Variants in GGPS1 observed in about 807,000 individuals in gnomAD.
GGPS1 encodes geranylgeranyl diphosphate synthase 1, also known as geranylgeranyl pyrophosphate synthase.
GGPS1 carries 15 observed loss-of-function variants against 28.1 expected under a neutral mutation model. That is an observed-to-expected ratio of 0.53 (90% CI 0.36 to 0.82). GGPS1 has a LOEUF of 0.82. Among genes scored for constraint, GGPS1 ranks in the 40% least tolerant of loss-of-function variants. The probability of loss-of-function intolerance (pLI) is 0.01; values close to 1 mark genes in which losing one functional copy is unlikely to be tolerated. For missense variants in GGPS1, 284 were observed against 348.3 expected (o/e 0.82, Z 1.47); for synonymous variants, 138 against 122.4 (o/e 1.13, Z -0.84).
rs772582396 is a variant in GGPS1, at chr1:235,342,650, C to G, written c.781C>G (p.Arg261Gly). Residue 261 changes from arginine to glycine, a missense_variant, in exon 4 of 4, where the codon CGT (arginine) becomes GGT (glycine). By Grantham distance (125) the Arg-to-Gly change is moderately radical. Transcript: ENST00000282841. Reference sequence around the variant, plus strand: ...GGATGTAGGTTCTTTTGAATACACTCGTAATACCCTTAAAGAGCTTGAAGC... The same window carrying G: ...GGATGTAGGTTCTTTTGAATACACTGGTAATACCCTTAAAGAGCTTGAAGC... ...LEDVGSFEYT[R>G]NTLKELEAKA... 2.1e-5 allele frequency: 34 copies of G among 1,610,542 alleles called. No homozygotes were observed. Among genetic ancestry groups the G allele is most frequent in the East Asian group, 2.2e-5 (1 of 44,872 alleles).
chr1:235,328,957 TG>T (rs915358574), intron 1 of GGPS1, 179 bp downstream of exon 1: 9 of 152,396 alleles, frequency 5.9e-5, no homozygotes, highest in African/African-American at 2.2e-4. Flanking sequence ...GTTGGCCAAG[TG>T]GGGCGGAAGG....
intron 1 of GGPS1, chr1:235,330,486 GAAGA>G (rs1675678703): frequency 6.6e-6 from 1 of 152,042 alleles, no homozygotes. Flanking sequence ...CGCTGTTTCA[GAAGA>G]AAGACACAAG....
chr1:235,328,183 G>C (rs1038943009), upstream of GGPS1: 4 of 152,380 alleles, frequency 2.6e-5, no homozygotes, highest in African/African-American at 9.7e-5. Flanking sequence ...GGCAAACATC[G>C]CTTCCCCCCC....
intron 2 of GGPS1, among the ~76,000 whole-genome samples, chr1:235,337,846 T>G (rs1422986623): frequency 3.3e-5 from 5 of 151,500 alleles, no homozygotes; most frequent in Admixed American, 3.3e-4. Flanking sequence ...CTGAAATTAG[T>G]AAAGAAAATT....
At chr1:235,338,231 A>T (rs1675923792) in intron 2 of GGPS1, among the ~76,000 whole-genome samples, 1 of 151,864 alleles carries the variant, frequency 6.6e-6, no homozygotes, top group South Asian at 2.1e-4. Context: ...AAATACAAAA[A>T]ATTAGCCAGG....
chr1:235,339,026 G>A (rs556863425), intron 2 of GGPS1, among the ~76,000 whole-genome samples: 8 of 152,052 alleles, frequency 5.3e-5, no homozygotes, highest in Non-Finnish European at 1.0e-4. Context: ...TTGGCCGGGC[G>A]CGGTAGCTCA....
chr1:235,331,185 A>G (rs956220165), intron 1 of GGPS1, among the ~76,000 whole-genome samples: 6 of 152,048 alleles, frequency 3.9e-5, no homozygotes, highest in African/African-American at 1.4e-4. Flanking sequence ...CGTCTTTGGT[A>G]TTAATTGTTA....
In GGPS1 at chr1:235,341,998, AT is replaced by A. The variant is rs3841735; in HGVS notation, c.142-6del. The A allele has an allele frequency of 1.6e-5, 23 of 1,466,416 alleles. No individual in the cohort carries two copies. The highest frequency in any genetic ancestry group is 1.9e-5 in the Non-Finnish European group (21 of 1,077,636). The allele number at this position is 1,466,416 out of a possible 1,614,324, so 90.8% of individuals were successfully genotyped here. On this transcript the variant is annotated splice_polypyrimidine_tract_variant and intron_variant, in intron 3 of 3. Transcript: ENST00000282841. ...ATAGTTCAAATAAGTGAAATTTTCA[AT>A]TTTTTTATTAGATTATTATTGAAGT...
chr1:235,337,816 CA>C (rs112819918), intron 2 of GGPS1, among the ~76,000 whole-genome samples: 320 of 127,386 alleles, frequency 2.5e-3, no homozygotes, highest in Non-Finnish European at 2.4e-3. Flanking sequence ...GACACTGTCT[CA>C]AAAAAAAAAA....
chr1:235,342,706 T>C lies in GGPS1; in HGVS notation c.837T>C (p.Gly279=). 6.2e-7 allele frequency: 1 copy of C among 1,608,956 alleles called. No homozygotes were observed. The highest frequency in any genetic ancestry group is 8.5e-7 in the Non-Finnish European group (1 of 1,176,776). Residue 279 remains glycine, a synonymous_variant, in exon 4 of 4, where the codon GGT becomes GGC. Coordinates refer to ENST00000282841, the MANE Select transcript of GGPS1 (RefSeq NM_004837.4). The part of the protein sequence containing the change: ...AKAYKQIDAR[G]GNPELVALVK... ...CCTATAAACAGATTGATGCACGTGGTGGGAACCCTGAGCTAGTAGCCTTAG... is the reference window on the plus strand; with the variant it reads ...CCTATAAACAGATTGATGCACGTGGCGGGAACCCTGAGCTAGTAGCCTTAG...
rs115629011 is a variant in GGPS1, at chr1:235,331,765, T to C, written c.-24+2987T>C. On this transcript the variant is annotated intron_variant, in intron 1 of 3. Coordinates refer to ENST00000282841, the MANE Select transcript of GGPS1 (RefSeq NM_004837.4). The stretch of plus-strand genomic sequence containing the variant: ...TGATGGTTATATGTGTGTGTTATTA[T>C]TTCAGCCACCCATTATCATGTGCTT... 6.5e-3 allele frequency among the ~76,000 whole-genome samples: 987 copies of C among 152,288 alleles called. 8 individuals are homozygous for C. Among genetic ancestry groups the C allele is most frequent in the African/African-American group, 0.023 (937 of 41,550 alleles).
intron 1 of GGPS1, chr1:235,329,475 C>T (rs1476412038): frequency 6.6e-6 from 1 of 152,284 alleles, no homozygotes; most frequent in East Asian, 1.9e-4. Flanking sequence ...AATTTGGCTT[C>T]TTTAGGGAGG....
At chr1:235,334,090 TAATA>T (rs1675798675) in intron 1 of GGPS1, among the ~76,000 whole-genome samples, 1 of 152,198 alleles carries the variant, frequency 6.6e-6, no homozygotes, top group African/African-American at 2.4e-5. Flanking sequence ...GGAATATGTT[TAATA>T]AATATATGCA....
chr1:235,340,744 A>AAC (rs1676015276), intron 2 of GGPS1, among the ~76,000 whole-genome samples: 2 of 149,622 alleles, frequency 1.3e-5, no homozygotes, highest in Non-Finnish European at 3.0e-5. Flanking sequence ...TCAAAAAAAA[A>AAC]AAAAAAAAAA....
At chr1:235,327,841 G>C (rs1675446250), upstream of GGPS1, 1 of 152,752 alleles carries the variant, frequency 6.5e-6, no homozygotes, top group African/African-American at 2.4e-5. Flanking sequence ...AAAACCAGCA[G>C]GCCCGGGGGA....
rs1457614948 is a variant in GGPS1 at position 235,328,682 on chromosome 1, G to T, written c.-120G>T. On this transcript the variant is annotated 5_prime_UTR_variant, in exon 1 of 4. Transcript: ENST00000282841. ...GTGGGAAGGATTCATGTAGGCATCG[G>T]GAAGAGCCTAAGTCCACATTATAAA... 6.5e-6 allele frequency: 1 copy of T among 152,860 alleles called. No individual in the cohort carries two copies. The highest frequency in any genetic ancestry group is 2.4e-5 in the African/African-American group (1 of 41,464). The allele number at this position is 152,860 out of a possible 1,614,324, so 9.5% of individuals were successfully genotyped here.
chr1:235,329,052 C>T (rs1168669651), intron 1 of GGPS1: 2 of 152,228 alleles, frequency 1.3e-5, no homozygotes, highest in African/African-American at 2.4e-5. Flanking sequence ...GTTTGCAGTT[C>T]TCTGCCCAGC....
At chr1:235,339,473 CACAA>C (rs548474481) in intron 2 of GGPS1, among the ~76,000 whole-genome samples, 44 of 151,400 alleles carry the variant, frequency 2.9e-4, no homozygotes, top group Middle Eastern at 6.8e-3. Flanking sequence ...ACTTCATCTC[CACAA>C]ACAAACAAAC....
At chr1:235,330,385 T>G (rs1260975264) in intron 1 of GGPS1, 1 of 152,232 alleles carries the variant, frequency 6.6e-6, no homozygotes, top group Non-Finnish European at 1.5e-5. Flanking sequence ...CTCGGGAGGC[T>G]GAGGCAGGAG....
Sources: allele counts gnomAD v4.1 joint callset (sites outside exome capture counted in the v4.1 genomes callset), GRCh38; gene constraint gnomAD v4.1.1; transcripts MANE v1.5; gene names NCBI Gene and HGNC (gene_info 2026-07-23, HGNC 2026-07-21).